The following PNPLA8 variants were observed in gnomAD, a reference collection of about 807,000 sequenced individuals.
The protein encoded by PNPLA8 is patatin like domain 8, phospholipase A2.
A neutral mutation model predicts 76.9 loss-of-function variants in PNPLA8; 39 were observed. The ratio of observed to expected loss-of-function variants is 0.51; its 90% CI spans 0.39 to 0.66. The LOEUF (loss-of-function observed/expected upper bound fraction) is 0.66, where lower values mean the gene tolerates loss of function less well. Ranked by LOEUF, PNPLA8 falls within the 30% of genes least tolerant of loss-of-function variation. PNPLA8 has a pLI of 0.00. For missense variants in PNPLA8, 887 were observed against 918.0 expected, an observed-to-expected ratio of 0.97 and a Z score of 0.44; for synonymous variants, 301 against 307.9, an observed-to-expected ratio of 0.98 and a Z score of 0.24.
At chr7:108,510,601 G>A (rs1342600972) in intron 4 of PNPLA8, 12 of 1,545,214 alleles carry the variant, frequency 7.8e-6, no homozygotes, top group Non-Finnish European at 1.1e-5. Flanking sequence ...CCTTTGTGAA[G>A]CTCAACAAGG....
Position 108,526,024 on chromosome 7 carries a change from C to G in PNPLA8, c.-130+5G>C, listed in dbSNP as rs1864055727. 1.0e-6 allele frequency: 1 copy of G among 984,674 alleles called. No homozygotes were observed. The highest frequency in any genetic ancestry group is 6.1e-5 in the Admixed American group (1 of 16,266). 61.0% of individuals were successfully genotyped at this position (984,674 alleles called of 1,614,324 possible). A position where few individuals can be genotyped will look rare whatever the true frequency, so the allele number is the denominator to read the frequency against. ...TCCCGCCCCTGTCCCCTCGCGGCTA[C>G]TTACCGGGATGCAGGCCGCAGTCAC... On this transcript the variant is annotated splice_donor_5th_base_variant and intron_variant, in intron 1 of 10. Coordinates refer to ENST00000257694, the MANE Select transcript of PNPLA8 (RefSeq NM_001256007.3).
chr7:108,511,981 G>T (rs1014537999), intron 4 of PNPLA8, among the ~76,000 whole-genome samples: 11 of 152,134 alleles, frequency 7.2e-5, no homozygotes, highest in Non-Finnish European at 1.3e-4. Context: ...CATGCAATCG[G>T]ACAGGATAAA....
rs576953053 is a variant in PNPLA8 at position 108,520,134 on chromosome 7, AT to A, written c.-84+1341del. ...CACCTGTGCACATTAATAAATTTGT[AT>A]GCCATTTCTCTTACTAATCTGTTTC... On this transcript the variant is annotated intron_variant, in intron 2 of 10. Coordinates refer to ENST00000257694, the MANE Select transcript of PNPLA8 (RefSeq NM_001256007.3). 1.3e-4 allele frequency among the ~76,000 whole-genome samples: 20 copies of A among 152,296 alleles called. No individual in the cohort carries two copies. In the South Asian group the frequency reaches 3.5e-3, roughly 27 times the overall value.
At chr7:108,507,367 GA>G (rs1225454732) in intron 4 of PNPLA8, among the ~76,000 whole-genome samples, 2 of 82,104 alleles carry the variant, frequency 2.4e-5, no homozygotes, top group Non-Finnish European at 5.1e-5. Context: ...AAAAAAAAAA[GA>G]AACAGGCTGG....
chr7:108,514,158 C>G lies in PNPLA8; in HGVS notation c.1192G>C (p.Gly398Arg). ...TTAGAAATTACCTTGACAGCCACTC[C>G]TTTTCCTTCAGGAAATTCTAGAAGA... ...FHLLEFPEGK[G>R]VAVKERIIPY... Residue 398 changes from glycine to arginine, a missense_variant, in exon 4 of 11, where the codon GGA becomes CGA. By Grantham distance (125) the Gly-to-Arg change is moderately radical. Transcript: ENST00000257694. 1 of 1,604,458 alleles carries G rather than the reference C, an allele frequency of 6.2e-7. No individual in the cohort carries two copies. Among genetic ancestry groups the G allele is most frequent in the East Asian group, 2.2e-5 (1 of 44,812 alleles).
Position 108,495,229 on chromosome 7 carries a change from A to G in PNPLA8, c.1625+1355T>C, listed in dbSNP as rs533983632. 3.3e-5 allele frequency among the ~76,000 whole-genome samples: 5 copies of G among 152,330 alleles called. No individual in the cohort carries two copies. In the East Asian group the frequency reaches 5.8e-4, roughly 18 times the overall value. On this transcript the variant is annotated intron_variant, in intron 7 of 10. Transcript: ENST00000257694. ...TTCTAGAAATTTACTTTACTTAAAG[A>G]TATAGCCAGAGATTTAAGTAAAGAT... is the stretch of plus-strand genomic sequence containing the variant.
chr7:108,511,504 GA>G (rs1223710760), intron 4 of PNPLA8, among the ~76,000 whole-genome samples: 2 of 152,186 alleles, frequency 1.3e-5, no homozygotes, highest in Non-Finnish European at 2.9e-5. Flanking sequence ...TTCAGGAAAT[GA>G]AAAGGAAAGA....
intron 5 of PNPLA8, among the ~76,000 whole-genome samples, chr7:108,500,768 G>A (rs1028853460): frequency 3.3e-5 from 5 of 152,116 alleles, no homozygotes; most frequent in Admixed American, 2.0e-4. Context: ...AAGTAGCTGG[G>A]TGTGGTAGTG....
chr7:108,511,786 A>G (rs989232317), intron 4 of PNPLA8, among the ~76,000 whole-genome samples: 5 of 152,198 alleles, frequency 3.3e-5, no homozygotes, highest in Non-Finnish European at 7.3e-5. Context: ...ATTTACTGAT[A>G]TAGAAAGGTA....
At chr7:108,502,727 C>T in intron 4 of PNPLA8, 85 bp from the exon 5 acceptor site, 1 of 869,830 alleles carries the variant, frequency 1.1e-6, no homozygotes, top group Non-Finnish European at 1.8e-6. Flanking sequence ...ACATGCAGTT[C>T]ACCACATGAC....
rs185859400 is a variant in PNPLA8 at position 108,510,397 on chromosome 7, C to T, written c.1206+3747G>A. 3.4e-3 allele frequency: 5,199 copies of T among 1,542,666 alleles called. 13 individuals are homozygous for T. The highest frequency in any genetic ancestry group is 7.1e-3 in the Middle Eastern group (42 of 5,954). On this transcript the variant is annotated intron_variant, in intron 4 of 10. Transcript: ENST00000257694. Reference sequence around the variant, plus strand: ...AGCTTATCTATGAAAAAGCAAAGCACTATCACAGGGAATATAGGCAGATGT... The same window carrying T: ...AGCTTATCTATGAAAAAGCAAAGCATTATCACAGGGAATATAGGCAGATGT...
intron 2 of PNPLA8, among the ~76,000 whole-genome samples, chr7:108,517,911 C>T (rs1863457146): frequency 6.6e-6 from 1 of 152,162 alleles, no homozygotes; most frequent in Non-Finnish European, 1.5e-5. Flanking sequence ...GTAGCTGGGA[C>T]TACAGGTACA....
At chr7:108,499,624 A>G (rs1218440707) in intron 5 of PNPLA8, among the ~76,000 whole-genome samples, 2 of 152,206 alleles carry the variant, frequency 1.3e-5, no homozygotes, top group South Asian at 2.1e-4. Flanking sequence ...TGTCCTCTTC[A>G]AACTAGATGC....
At chr7:108,478,472 C>A (rs1451663153) in intron 10 of PNPLA8, among the ~76,000 whole-genome samples, 1 of 152,110 alleles carries the variant, frequency 6.6e-6, no homozygotes, top group South Asian at 2.1e-4. Context: ...CTCACTGCAA[C>A]CTCTGCCCCC....
intron 4 of PNPLA8, among the ~76,000 whole-genome samples, chr7:108,506,771 G>A (rs1355945530): frequency 6.6e-6 from 1 of 151,596 alleles, no homozygotes; most frequent in East Asian, 1.9e-4. Context: ...TGCAAAAAGA[G>A]GCACAACTAA....
Position 108,471,654 on chromosome 7 carries a change from G to A in PNPLA8, c.*747C>T, listed in dbSNP as rs1278744719. 1.3e-5 allele frequency: 2 copies of A among 152,178 alleles called. No homozygotes were observed. The highest frequency in any genetic ancestry group is 2.9e-5 in the Non-Finnish European group (2 of 68,034). The allele number at this position is 152,178 out of a possible 1,614,324, so 9.4% of individuals were successfully genotyped here. A position where few individuals can be genotyped will look rare whatever the true frequency, so the allele number is the denominator to read the frequency against. On this transcript the variant is annotated 3_prime_UTR_variant, in exon 11 of 11. Coordinates refer to ENST00000257694, the MANE Select transcript of PNPLA8 (RefSeq NM_001256007.3). Reference sequence around the variant, plus strand: ...ATTTAAATAGTTTATTTTTGTTAATGATAGGAATATCTCCTCAGTAAGTTC... The same window carrying A: ...ATTTAAATAGTTTATTTTTGTTAATAATAGGAATATCTCCTCAGTAAGTTC...
At chr7:108,496,018 G>A (rs1381554745) in intron 7 of PNPLA8, among the ~76,000 whole-genome samples, 2 of 152,118 alleles carry the variant, frequency 1.3e-5, no homozygotes, top group African/African-American at 4.8e-5. Flanking sequence ...TGGGAGGCAG[G>A]CCAATCACTT....
intron 9 of PNPLA8, among the ~76,000 whole-genome samples, chr7:108,485,385 G>T (rs1206122148): frequency 6.6e-6 from 1 of 151,996 alleles, no homozygotes; most frequent in Admixed American, 6.6e-5. Flanking sequence ...AAAGGCAAAT[G>T]AATCTCCCCA....
chr7:108,470,554 T>C lies in PNPLA8; in HGVS notation c.*1847A>G, dbSNP rs1301772174. 2 of 152,144 alleles carry C rather than the reference T, an allele frequency of 1.3e-5. No individual in the cohort carries two copies. The highest frequency in any genetic ancestry group is 1.9e-4 in the East Asian group (1 of 5,198). 9.4% of individuals were successfully genotyped at this position (152,144 alleles called of 1,614,324 possible). On this transcript the variant is annotated 3_prime_UTR_variant, in exon 11 of 11. Coordinates refer to ENST00000257694, the MANE Select transcript of PNPLA8 (RefSeq NM_001256007.3). ...GTGACCTTATGATGAGGTGCAAATATGTAAATATGCATAAATATTACTTTA... is the reference window on the plus strand; with the variant it reads ...GTGACCTTATGATGAGGTGCAAATACGTAAATATGCATAAATATTACTTTA...
Sources: allele counts gnomAD v4.1 joint callset (sites outside exome capture counted in the v4.1 genomes callset), GRCh38; gene constraint gnomAD v4.1.1; transcripts MANE v1.5; gene names NCBI Gene and HGNC (gene_info 2026-07-23, HGNC 2026-07-21).